The following KIZ variants were observed in gnomAD, a reference collection of about 807,000 sequenced individuals.
KIZ encodes kizuna centrosomal protein, also known as centrosomal protein kizuna.
KIZ carries 68 observed loss-of-function variants against 79.6 expected under a neutral mutation model. That is an observed-to-expected ratio of 0.85 (90% CI 0.70 to 1.05). The LOEUF (loss-of-function observed/expected upper bound fraction) is 1.05, where lower values mean the gene tolerates loss of function less well. KIZ is among the 50% of genes least tolerant of loss of function. The pLI is 0.00. For synonymous variants in KIZ, 280 were observed against 281.8 expected, an observed-to-expected ratio of 0.99 and a Z score of 0.06; for missense variants, 797 against 800.4, an observed-to-expected ratio of 1.00 and a Z score of 0.05.
intron 12 of KIZ, 191 bp from the exon 13 acceptor site, chr20:21,246,288 A>G: frequency 1.7e-6 from 1 of 595,936 alleles, no homozygotes; most frequent in Non-Finnish European, 3.0e-6. Context: ...CAGAGGACAC[A>G]CTTTGCAATG....
At chr20:21,193,568 C>T (rs980654448) in intron 6 of KIZ, among the ~76,000 whole-genome samples, 7 of 151,910 alleles carry the variant, frequency 4.6e-5, no homozygotes, top group African/African-American at 1.7e-4. Flanking sequence ...ATGTTTATAG[C>T]GGCACTATTC....
chr20:21,176,607 A>G (rs2034447349), intron 6 of KIZ, among the ~76,000 whole-genome samples: 1 of 152,258 alleles, frequency 6.6e-6, no homozygotes, highest in East Asian at 1.9e-4. Context: ...TAGACAGAGC[A>G]AGCATCAGAG....
At chr20:21,185,453 A>G (rs1477060992) in intron 6 of KIZ, among the ~76,000 whole-genome samples, 7 of 130,192 alleles carry the variant, frequency 5.4e-5, no homozygotes, top group Admixed American at 1.9e-4. Flanking sequence ...TCTGTCACCC[A>G]GGCTGGAATG....
At chr20:21,184,700 G>C (rs2034799721) in intron 6 of KIZ, among the ~76,000 whole-genome samples, 1 of 152,162 alleles carries the variant, frequency 6.6e-6, no homozygotes, top group Non-Finnish European at 1.5e-5. Context: ...AGGTAGGCCA[G>C]GTGAATGAGA....
At chr20:21,142,721 G>A (rs2032628755) in intron 3 of KIZ, among the ~76,000 whole-genome samples, 1 of 152,034 alleles carries the variant, frequency 6.6e-6, no homozygotes, top group Non-Finnish European at 1.5e-5. Flanking sequence ...AAGCCTGGGA[G>A]GTTGAAGGGC....
At chr20:21,192,021 T>C (rs1022418183) in intron 6 of KIZ, among the ~76,000 whole-genome samples, 3 of 151,500 alleles carry the variant, frequency 2.0e-5, no homozygotes, top group Admixed American at 2.0e-4. Context: ...CGGGGAGGGG[T>C]ACACTGGGAT....
intron 11 of KIZ, among the ~76,000 whole-genome samples, chr20:21,242,887 C>A (rs1465029771): frequency 6.6e-6 from 1 of 152,160 alleles, no homozygotes; most frequent in African/African-American, 2.4e-5. Context: ...CTCTCCTGCT[C>A]CCCCTGTGGC....
At chr20:21,176,694 G>C (rs1436064677) in intron 6 of KIZ, among the ~76,000 whole-genome samples, 1 of 152,086 alleles carries the variant, frequency 6.6e-6, no homozygotes, top group Non-Finnish European at 1.5e-5. Context: ...TAGGGCTCTA[G>C]GGCTCTAGAG....
chr20:21,229,679 A>G (rs1190527067), intron 10 of KIZ, among the ~76,000 whole-genome samples: 3 of 152,190 alleles, frequency 2.0e-5, no homozygotes, highest in Non-Finnish European at 4.4e-5. Context: ...ATCTCAAGCA[A>G]TCTTCCCTCC....
rs185308751 is a variant in KIZ at position 21,135,112 on chromosome 20, T to C, written c.153-1278T>C. Among the ~76,000 whole-genome samples, 267 of 152,318 alleles carry C rather than the reference T, an allele frequency of 1.8e-3. 3 individuals are homozygous for C. Among genetic ancestry groups the C allele is most frequent in the South Asian group, 0.013 (64 of 4,822 alleles). On this transcript the variant is annotated intron_variant, in intron 2 of 12. Coordinates refer to ENST00000619189, the MANE Select transcript of KIZ (RefSeq NM_018474.6). ...GTATTTACTTATTTCATTGTTTTCTTTGTTGACCTTAGCTGAAAGACTTTG... is the reference window on the plus strand; with the variant it reads ...GTATTTACTTATTTCATTGTTTTCTCTGTTGACCTTAGCTGAAAGACTTTG...
Position 21,232,846 on chromosome 20 carries a change from C to T in KIZ, c.1880+16C>T, listed in dbSNP as rs759903480. ...CTTTGTCAAGGTAAAGTTGTGAAAGCCTTTCTGAATAGCAGCAACAAGATG... is the reference window on the plus strand; with the variant it reads ...CTTTGTCAAGGTAAAGTTGTGAAAGTCTTTCTGAATAGCAGCAACAAGATG... On this transcript the variant is annotated intron_variant, in intron 11 of 12. Coordinates refer to ENST00000619189, the MANE Select transcript of KIZ (RefSeq NM_018474.6). The T allele has an allele frequency of 2.7e-6, 3 of 1,124,892 alleles. No homozygotes were observed. Among genetic ancestry groups the T allele is most frequent in the East Asian group, 2.4e-5 (1 of 41,254 alleles). The allele number at this position is 1,124,892 out of a possible 1,614,324, so 69.7% of individuals were successfully genotyped here. A position where few individuals can be genotyped will look rare whatever the true frequency, so the allele number is the denominator to read the frequency against.
At chr20:21,165,632 C>T (rs1024935840) in intron 6 of KIZ, among the ~76,000 whole-genome samples, 3 of 151,758 alleles carry the variant, frequency 2.0e-5, no homozygotes, top group South Asian at 2.1e-4. Flanking sequence ...CTGAGATTCC[C>T]GCTCCCTGTT....
At chr20:21,233,733 A>T (rs1228697181) in intron 11 of KIZ, among the ~76,000 whole-genome samples, 1 of 152,190 alleles carries the variant, frequency 6.6e-6, no homozygotes, top group African/African-American at 2.4e-5. Context: ...TTTTTAAATG[A>T]AAAAAATCCT....
chr20:21,228,342 C>T (rs1020997011), intron 9 of KIZ, among the ~76,000 whole-genome samples: 16 of 152,136 alleles, frequency 1.1e-4, no homozygotes, highest in Non-Finnish European at 1.5e-4. Flanking sequence ...ACTGTTTTTC[C>T]CAACAGTCTT....
At chr20:21,241,407 G>A (rs2424353) in intron 11 of KIZ, among the ~76,000 whole-genome samples, 87,376 of 152,076 alleles carry the variant, frequency 0.57, 27,087 homozygotes, top group South Asian at 0.78. Flanking sequence ...GCCCTTCTCC[G>A]TGGGTAGGCC....
At chr20:21,125,981 A>C, upstream of KIZ, 1 of 1,268,264 alleles carries the variant, frequency 7.9e-7, no homozygotes, top group South Asian at 2.2e-5. Context: ...CCCCGCCCCC[A>C]CGGCGTCTTG....
intron 4 of KIZ, among the ~76,000 whole-genome samples, chr20:21,154,675 C>T (rs919615467): frequency 6.6e-6 from 1 of 152,224 alleles, no homozygotes; most frequent in African/African-American, 2.4e-5. Context: ...ACATCTGTCT[C>T]TCAAAAACTT....
intron 7 of KIZ, among the ~76,000 whole-genome samples, chr20:21,209,456 C>A (rs1320578569): frequency 6.6e-6 from 1 of 152,136 alleles, no homozygotes; most frequent in African/African-American, 2.4e-5. Context: ...GGGGTCCTGC[C>A]CCCACCATAC....
intron 6 of KIZ, among the ~76,000 whole-genome samples, chr20:21,187,333 G>A (rs2034919593): frequency 1.3e-5 from 2 of 152,120 alleles, no homozygotes; most frequent in African/African-American, 2.4e-5. Context: ...AGTAGACCCC[G>A]AGCAAAGTCA....
Sources: gnomAD v4.1 joint callset for allele counts (sites outside exome capture counted in the v4.1 genomes callset) on GRCh38, gnomAD v4.1.1 for gene constraint, MANE v1.5 for transcripts, NCBI Gene and HGNC (gene_info 2026-07-23, HGNC 2026-07-21) for gene names.